The following SPOP variants were observed in gnomAD, a reference collection of about 807,000 sequenced individuals.
SPOP encodes the protein speckle type BTB/POZ protein.
SPOP carries 11 observed loss-of-function variants against 45.6 expected under a neutral mutation model. That is an observed-to-expected ratio of 0.24 (90% CI 0.15 to 0.40). The LOEUF (loss-of-function observed/expected upper bound fraction) is 0.40, where lower values mean the gene tolerates loss of function less well. Among genes scored for constraint, SPOP ranks in the 10% least tolerant of loss-of-function variants. The pLI is 1.00. For synonymous variants in SPOP, 166 were observed against 166.3 expected, an observed-to-expected ratio of 1.00 and a Z score of 0.01; for missense variants, 152 against 465.6, an observed-to-expected ratio of 0.33 and a Z score of 6.20.
intron 1 of SPOP, among the ~76,000 whole-genome samples, chr17:49,643,197 G>A (rs931553351): frequency 1.3e-5 from 2 of 152,196 alleles, no homozygotes; most frequent in African/African-American, 4.8e-5. Context: ...CTACTCAAAC[G>A]CTTGCAGCAG....
intron 5 of SPOP, among the ~76,000 whole-genome samples, chr17:49,615,360 G>A (rs182472211): frequency 7.2e-5 from 11 of 152,160 alleles, no homozygotes; most frequent in African/African-American, 2.7e-4. Flanking sequence ...ATTGCTAATG[G>A]CTATTTGTTT....
intron 1 of SPOP, among the ~76,000 whole-genome samples, chr17:49,647,082 C>A (rs1231283157): frequency 6.6e-6 from 1 of 151,764 alleles, no homozygotes; most frequent in East Asian, 1.9e-4. Flanking sequence ...CTGAGCTCAG[C>A]AGTTGCAGAC....
At chr17:49,642,523 T>G (rs2072677373) in intron 1 of SPOP, among the ~76,000 whole-genome samples, 1 of 152,190 alleles carries the variant, frequency 6.6e-6, no homozygotes, top group Non-Finnish European at 1.5e-5. Flanking sequence ...TATTGTATTT[T>G]GACTCCAACA....
rs1450707229 is a variant in SPOP at position 49,632,425 on chromosome 17, A to C, written c.-66-9549T>G. Among the ~76,000 whole-genome samples the C allele has an allele frequency of 2.6e-5, 4 of 152,200 alleles. No homozygotes were observed. In the East Asian group the frequency reaches 7.7e-4, roughly 29 times the overall value. ...TTCCCAGAATAAGTCAATCCTGGTTATAGAAGTACCATTACAGCAGCTGTC... is the reference window on the plus strand; with the variant it reads ...TTCCCAGAATAAGTCAATCCTGGTTCTAGAAGTACCATTACAGCAGCTGTC... On this transcript the variant is annotated intron_variant, in intron 1 of 9. Coordinates refer to ENST00000504102, the MANE Select transcript of SPOP (RefSeq NM_001007228.2).
At chr17:49,622,279 G>A in intron 2 of SPOP, 1 of 651,016 alleles carries the variant, frequency 1.5e-6, no homozygotes, top group South Asian at 1.5e-5. Context: ...CAGCTGCTGA[G>A]AACACTGGAT....
At chr17:49,610,889 G>A (rs1275162771) in intron 6 of SPOP, among the ~76,000 whole-genome samples, 1 of 152,124 alleles carries the variant, frequency 6.6e-6, no homozygotes, top group Non-Finnish European at 1.5e-5. Flanking sequence ...ACCCCTCCAG[G>A]GCTGAGGACT....
chr17:49,618,560 G>C (rs530404741), intron 5 of SPOP: 1 of 456,872 alleles, frequency 2.2e-6, no homozygotes, highest in Non-Finnish European at 4.4e-6. Context: ...CTCTTGATAA[G>C]AATCTAGTTC....
At chr17:49,669,153 G>A (rs1191187624) in intron 1 of SPOP, among the ~76,000 whole-genome samples, 52 of 144,250 alleles carry the variant, frequency 3.6e-4, no homozygotes, top group Non-Finnish European at 6.5e-4. Context: ...TGCAACCTCC[G>A]CCTCCCAGGT....
chr17:49,658,522 G>C (rs889078586), intron 1 of SPOP, among the ~76,000 whole-genome samples: 3 of 152,154 alleles, frequency 2.0e-5, no homozygotes, highest in African/African-American at 4.8e-5. Flanking sequence ...TGTCAAAGTG[G>C]ACTGCAAGGA....
intron 1 of SPOP, chr17:49,667,967 T>C (rs2073084850): frequency 6.6e-6 from 1 of 152,246 alleles, no homozygotes; most frequent in Non-Finnish European, 1.5e-5. Context: ...CACTGGGCTA[T>C]GCGAAACAAG....
chr17:49,669,766 A>AG (rs1449796048), intron 1 of SPOP, among the ~76,000 whole-genome samples: 6 of 150,268 alleles, frequency 4.0e-5, no homozygotes, highest in Non-Finnish European at 7.4e-5. Context: ...TCTGCCTCAA[A>AG]AAAAAAAAAA....
At chr17:49,677,332 A>G (rs894056124) in intron 1 of SPOP, among the ~76,000 whole-genome samples, 1 of 152,262 alleles carries the variant, frequency 6.6e-6, no homozygotes, top group African/African-American at 2.4e-5. Flanking sequence ...AAGAAGGGTC[A>G]GTGTGGGACA....
intron 1 of SPOP, among the ~76,000 whole-genome samples, chr17:49,632,562 G>A (rs943249797): frequency 1.3e-5 from 2 of 151,162 alleles, no homozygotes; most frequent in Admixed American, 6.6e-5. Flanking sequence ...GCATGGTCTC[G>A]GCTCACTGCA....
chr17:49,643,908 C>A (rs1276940947), intron 1 of SPOP, among the ~76,000 whole-genome samples: 2 of 141,322 alleles, frequency 1.4e-5, no homozygotes, highest in Admixed American at 1.5e-4. Context: ...CCAGCCTGAG[C>A]GACAGAGTGA....
At chr17:49,616,430 C>A (rs2072088421) in intron 5 of SPOP, among the ~76,000 whole-genome samples, 1 of 152,060 alleles carries the variant, frequency 6.6e-6, no homozygotes, top group Admixed American at 6.6e-5. Context: ...TCATAAAAGC[C>A]TCTAAACAAT....
At chr17:49,653,328 T>TC (rs992088016) in intron 1 of SPOP, among the ~76,000 whole-genome samples, 1 of 152,014 alleles carries the variant, frequency 6.6e-6, no homozygotes, top group Non-Finnish European at 1.5e-5. Flanking sequence ...CAAATCCCTC[T>TC]CTAAAGCCTT....
chr17:49,654,408 A>G (rs1260286903), intron 1 of SPOP, among the ~76,000 whole-genome samples: 2 of 152,236 alleles, frequency 1.3e-5, no homozygotes, highest in African/African-American at 4.8e-5. Flanking sequence ...GTTTAATTAA[A>G]TAACTGTTAC....
chr17:49,644,308 G>C (rs952833461), intron 1 of SPOP, among the ~76,000 whole-genome samples: 1 of 152,192 alleles, frequency 6.6e-6, no homozygotes, highest in Non-Finnish European at 1.5e-5. Context: ...TCTGATAAAA[G>C]AAGAGTATCA....
rs1288927864 is a variant in SPOP at position 49,622,075 on chromosome 17, T to C, written c.79-8A>G. 2 of 1,612,060 alleles carry C rather than the reference T, an allele frequency of 1.2e-6. No homozygotes were observed. Among genetic ancestry groups the C allele is most frequent in the African/African-American group, 1.3e-5 (1 of 74,826 alleles). On this transcript the variant is annotated splice_region_variant and splice_polypyrimidine_tract_variant and intron_variant, in intron 2 of 9. Transcript: ENST00000504102. The stretch of plus-strand genomic sequence containing the variant: ...GAATTTCACTACCTTGATCTGTTGA[T>C]AGAAAAACAGGAAGCAATTAAATAG...
Sources: gnomAD v4.1 joint callset for allele counts (sites outside exome capture counted in the v4.1 genomes callset) on GRCh38, gnomAD v4.1.1 for gene constraint, MANE v1.5 for transcripts, NCBI Gene and HGNC (gene_info 2026-07-23, HGNC 2026-07-21) for gene names.